ZBTB20: variants seen among roughly 807,000 people sequenced by gnomAD.
ZBTB20 encodes zinc finger and BTB domain containing 20, also known as zinc finger and BTB domain-containing protein 20.
ZBTB20 carries 9 observed loss-of-function variants against 56.9 expected under a neutral mutation model. That is an observed-to-expected ratio of 0.16 (90% CI 0.10 to 0.28). The LOEUF (loss-of-function observed/expected upper bound fraction) is 0.28, where lower values mean the gene tolerates loss of function less well. ZBTB20 is among the 10% of genes least tolerant of loss of function. ZBTB20 has a pLI of 1.00. For missense variants in ZBTB20, 655 were observed against 1,003.0 expected, an observed-to-expected ratio of 0.65 and a Z score of 4.69; for synonymous variants, 417 against 420.7, an observed-to-expected ratio of 0.99 and a Z score of 0.11.
intron 3 of ZBTB20, among the ~76,000 whole-genome samples, chr3:114,908,294 A>T (rs1292391652): frequency 6.6e-6 from 1 of 152,010 alleles, no homozygotes; most frequent in Non-Finnish European, 1.5e-5. Flanking sequence ...CAAATACATA[A>T]AAGTTTTAAA....
At chr3:114,708,108 T>C (rs1443715150) in intron 5 of ZBTB20, among the ~76,000 whole-genome samples, 2 of 152,214 alleles carry the variant, frequency 1.3e-5, no homozygotes, top group Non-Finnish European at 2.9e-5. Context: ...GCAGAATGCT[T>C]GTACAGAACA....
chr3:114,738,138 C>T (rs2066311945), intron 5 of ZBTB20, among the ~76,000 whole-genome samples: 1 of 151,754 alleles, frequency 6.6e-6, no homozygotes, highest in African/African-American at 2.4e-5. Context: ...CTCTAAATAA[C>T]TTCTTTATTT....
At chr3:115,008,592 A>G (rs1027011855) in intron 2 of ZBTB20, among the ~76,000 whole-genome samples, 2 of 152,044 alleles carry the variant, frequency 1.3e-5, no homozygotes, top group African/African-American at 4.8e-5. Context: ...ATATGAAAAA[A>G]CAGTCCTAGA....
chr3:114,445,309 C>T (rs13067741), intron 7 of ZBTB20, among the ~76,000 whole-genome samples: 85,520 of 152,044 alleles, frequency 0.56, 27,359 homozygotes, highest in Non-Finnish European at 0.73. Context: ...TTATTTTCCA[C>T]ATCTGTTAAT....
At chr3:115,095,419 C>A (rs2083344407) in intron 1 of ZBTB20, among the ~76,000 whole-genome samples, 1 of 152,086 alleles carries the variant, frequency 6.6e-6, no homozygotes. Context: ...AAGCTGATTA[C>A]TTTCAAATGA....
chr3:114,820,628 A>G (rs947282151), intron 4 of ZBTB20, among the ~76,000 whole-genome samples: 10 of 152,096 alleles, frequency 6.6e-5, no homozygotes, highest in Non-Finnish European at 1.2e-4. Context: ...CACTTAAGGG[A>G]AAAAAATCAG....
intron 6 of ZBTB20, among the ~76,000 whole-genome samples, chr3:114,535,628 C>T (rs1330436655): frequency 6.6e-6 from 1 of 152,182 alleles, no homozygotes; most frequent in East Asian, 1.9e-4. Flanking sequence ...GGACTCCTCC[C>T]TAACTCTTTT....
chr3:114,379,042 T>A (rs1276418322), intron 10 of ZBTB20: 1 of 152,244 alleles, frequency 6.6e-6, no homozygotes, highest in African/African-American at 2.4e-5. Context: ...TGCCGCCAGC[T>A]CATTTCCCTC....
chr3:114,360,627 A>AGT, intron 10 of ZBTB20, among the ~76,000 whole-genome samples: 1 of 151,990 alleles, frequency 6.6e-6, no homozygotes, highest in Admixed American at 6.6e-5. Context: ...CTGGGATTAC[A>AGT]GGCGTGAGCC....
chr3:114,862,221 T>C (rs1333897956), intron 4 of ZBTB20, among the ~76,000 whole-genome samples: 1 of 152,216 alleles, frequency 6.6e-6, no homozygotes, highest in Admixed American at 6.5e-5. Flanking sequence ...TTCTGCTGTG[T>C]TCTCTTTGTG....
rs748558289 is a variant in ZBTB20 at position 114,885,857 on chromosome 3, G to A, written c.-417+14447C>T. Among the ~76,000 whole-genome samples the A allele has an allele frequency of 5.2e-4, 79 of 152,202 alleles. 1 individual carries two copies. Among genetic ancestry groups the A allele is most frequent in the Non-Finnish European group, 7.1e-4 (48 of 68,006 alleles). On this transcript the variant is annotated intron_variant, in intron 4 of 11. Coordinates refer to ENST00000675478, the MANE Select transcript of ZBTB20 (RefSeq NM_001348800.3). Reference sequence around the variant, plus strand: ...AAAAGAGCTGAAAGTTAAAAGAAATGTTCAGTAGATGAGACCTATAATACT... The same window carrying A: ...AAAAGAGCTGAAAGTTAAAAGAAATATTCAGTAGATGAGACCTATAATACT...
At chr3:114,734,621 A>G (rs775529264) in intron 5 of ZBTB20, among the ~76,000 whole-genome samples, 2 of 152,156 alleles carry the variant, frequency 1.3e-5, no homozygotes, top group Non-Finnish European at 2.9e-5. Flanking sequence ...TTTCTAAATA[A>G]AGATCAAAAC....
intron 2 of ZBTB20, among the ~76,000 whole-genome samples, chr3:115,053,020 C>T (rs978651573): frequency 6.6e-6 from 1 of 152,174 alleles, no homozygotes; most frequent in Admixed American, 6.5e-5. Flanking sequence ...AATCTGAATG[C>T]TGACATCACT....
Position 114,513,966 on chromosome 3 carries a change from A to ATATG in ZBTB20, c.-294-13579_-294-13576dup, listed in dbSNP as rs1021034900. ...GAAGACATAATAACATACTGCATAA[A>ATATG]TATGTATGTATGTATGTATGTGTTT... On this transcript the variant is annotated intron_variant, in intron 6 of 11. Transcript: ENST00000675478. Among the ~76,000 whole-genome samples, 21 of 152,018 alleles carry ATATG rather than the reference A, an allele frequency of 1.4e-4. No individual in the cohort carries two copies. The East Asian group carries it at 1.5e-3, about 11-fold the overall frequency.
intron 2 of ZBTB20, among the ~76,000 whole-genome samples, chr3:114,992,454 C>G (rs932929816): frequency 6.6e-6 from 1 of 151,802 alleles, no homozygotes; most frequent in Non-Finnish European, 1.5e-5. Flanking sequence ...TATGATGTTG[C>G]TAATTAAGAA....
chr3:115,009,122 T>C (rs1420380071), intron 2 of ZBTB20, among the ~76,000 whole-genome samples: 1 of 151,978 alleles, frequency 6.6e-6, no homozygotes, highest in Non-Finnish European at 1.5e-5. Flanking sequence ...TGAATTTTCT[T>C]CTGTTTCTTG....
chr3:114,703,014 TAGAG>T (rs779445084), intron 5 of ZBTB20, among the ~76,000 whole-genome samples: 172 of 151,760 alleles, frequency 1.1e-3, no homozygotes, highest in Non-Finnish European at 1.9e-3. Context: ...GTGTGTGTGT[TAGAG>T]AGAGTGTGTG....
At chr3:114,546,019 A>C (rs1403927973) in intron 6 of ZBTB20, among the ~76,000 whole-genome samples, 1 of 152,202 alleles carries the variant, frequency 6.6e-6, no homozygotes, top group Non-Finnish European at 1.5e-5. Context: ...ATTATTTTTA[A>C]TGAAGAATTT....
At position 114,334,916 on chromosome 3, in the gene ZBTB20, C is replaced by T. The variant is rs565056218; in HGVS notation, c.*4089G>A. ...TTTTTTCTTTGCTTAGCTTGTTTCC[C>T]CCTGTGTAGAATTGTAACAGATCCA... On this transcript the variant is annotated 3_prime_UTR_variant, in exon 12 of 12. Coordinates refer to ENST00000675478, the MANE Select transcript of ZBTB20 (RefSeq NM_001348800.3). 4 of 152,052 alleles carry T rather than the reference C, an allele frequency of 2.6e-5. No homozygotes were observed. Among genetic ancestry groups the T allele is most frequent in the African/African-American group, 7.2e-5 (3 of 41,468 alleles). The allele number at this position is 152,052 out of a possible 1,614,324, so 9.4% of individuals were successfully genotyped here. A position where few individuals can be genotyped will look rare whatever the true frequency, so the allele number is the denominator to read the frequency against.
Sources: gnomAD v4.1 joint callset for allele counts (sites outside exome capture counted in the v4.1 genomes callset) on GRCh38, gnomAD v4.1.1 for gene constraint, MANE v1.5 for transcripts, NCBI Gene and HGNC (gene_info 2026-07-23, HGNC 2026-07-21) for gene names.